SULF2: variants seen among roughly 807,000 people sequenced by gnomAD.
SULF2 encodes extracellular sulfatase Sulf-2.
A neutral mutation model predicts 107.7 loss-of-function variants in SULF2; 52 were observed. The observed-to-expected ratio is 0.48, with a 90% confidence interval of 0.39 to 0.61. The LOEUF is 0.61. Ranked by LOEUF, SULF2 falls within the 20% of genes least tolerant of loss-of-function variation. SULF2 has a pLI of 0.00. For synonymous variants in SULF2, 460 were observed against 464.3 expected (o/e 0.99, Z 0.12); for missense variants, 993 against 1,177.3 (o/e 0.84, Z 2.29).
At chr20:47,691,685 A>C (rs2088201857) in intron 4 of SULF2, among the ~76,000 whole-genome samples, 1 of 152,186 alleles carries the variant, frequency 6.6e-6, no homozygotes, top group Non-Finnish European at 1.5e-5. Flanking sequence ...AAAGAGGATA[A>C]AATGTCAGAG....
intron 14 of SULF2, 109 bp from the exon 15 acceptor site, chr20:47,664,298 CT>C (rs767527728): frequency 7.9e-5 from 87 of 1,099,326 alleles, no homozygotes; most frequent in South Asian, 7.1e-4. Flanking sequence ...TGCCCCACCC[CT>C]GTCCCTCCTT....
intron 20 of SULF2, among the ~76,000 whole-genome samples, chr20:47,658,699 T>C (rs2086971960): frequency 6.6e-6 from 1 of 152,210 alleles, no homozygotes; most frequent in Admixed American, 6.5e-5. Context: ...CTGTTACTAA[T>C]GTCCTATTAA....
intron 5 of SULF2, 141 bp from the exon 6 acceptor site, chr20:47,684,722 G>A: frequency 2.7e-6 from 2 of 748,408 alleles, no homozygotes. Flanking sequence ...TGGTGGGAAA[G>A]GGGACATTGG....
chr20:47,754,126 GAACCCCCC>G (rs1332737973), intron 2 of SULF2, among the ~76,000 whole-genome samples: 6 of 152,182 alleles, frequency 3.9e-5, no homozygotes, highest in African/African-American at 1.4e-4. Context: ...GTACAGCCCC[GAACCCCCC>G]AACCTTGCAA....
At chr20:47,703,902 C>T (rs767386210) in intron 3 of SULF2, among the ~76,000 whole-genome samples, 1 of 152,144 alleles carries the variant, frequency 6.6e-6, no homozygotes, top group Non-Finnish European at 1.5e-5. Context: ...AGAGATAAAC[C>T]AGATACAAAA....
rs1253732761 is a variant in SULF2 at position 47,664,187 on chromosome 20, T to C, written c.2000A>G (p.Tyr667Cys). The part of the protein sequence containing the change: ...PEECDCHKIS[Y>C]HTQHKGRLKH... ...GAGGCGGCCTTTGTGCTGGGTGTGG[T>C]AGCTGTAACAGACCCCCCCAGCCCC... Residue 667 changes from tyrosine (Y) to cysteine (C), a missense_variant and splice_region_variant, in exon 15 of 21, where the codon TAC becomes TGC. Transcript: ENST00000688720. 3.7e-6 allele frequency: 6 copies of C among 1,611,962 alleles called. No homozygotes were observed. The highest frequency in any genetic ancestry group is 4.2e-6 in the Non-Finnish European group (5 of 1,179,294).
intron 18 of SULF2, among the ~76,000 whole-genome samples, chr20:47,661,147 C>A (rs560327872): frequency 6.6e-6 from 1 of 152,230 alleles, no homozygotes; most frequent in Admixed American, 6.5e-5. Flanking sequence ...GGCCCGATGC[C>A]CTCCCGCCAC....
At chr20:47,755,664 G>A (rs1338425567) in intron 2 of SULF2, among the ~76,000 whole-genome samples, 1 of 152,168 alleles carries the variant, frequency 6.6e-6, no homozygotes, top group Non-Finnish European at 1.5e-5. Flanking sequence ...GCCTCTGAAT[G>A]AGTGTCCTGT....
rs1374199882 is a variant in SULF2, at chr20:47,781,741, T to C, written c.-101+3602A>G. On this transcript the variant is annotated intron_variant, in intron 1 of 20. Transcript: ENST00000688720. ...AGACAGGTGCTATGATCATCATCAT[T>C]TGTTGGATGTGAACATCAAGGCACA... Among the ~76,000 whole-genome samples, 4 of 152,058 alleles carry C rather than the reference T, an allele frequency of 2.6e-5. No homozygotes were observed. In the East Asian group the frequency reaches 7.7e-4, roughly 29 times the overall value.
chr20:47,779,229 C>T (rs987834133), intron 1 of SULF2, among the ~76,000 whole-genome samples: 4 of 152,218 alleles, frequency 2.6e-5, no homozygotes, highest in Non-Finnish European at 4.4e-5. Context: ...CATCCCTGGC[C>T]TCTACCCTCT....
chr20:47,758,162 CTTTTTTTTT>C (rs373618271), intron 1 of SULF2, among the ~76,000 whole-genome samples: 19 of 122,448 alleles, frequency 1.6e-4, no homozygotes, highest in South Asian at 8.3e-4. Flanking sequence ...AAAAGTATTC[CTTTTTTTTT>C]TTTTTTTTTT....
At chr20:47,779,825 T>C (rs1568935893) in intron 1 of SULF2, among the ~76,000 whole-genome samples, 1 of 152,158 alleles carries the variant, frequency 6.6e-6, no homozygotes, top group African/African-American at 2.4e-5. Context: ...CAGGCTAGTC[T>C]TGAACTCCTG....
chr20:47,665,797 C>A (rs544260708), intron 13 of SULF2, 60 bp downstream of exon 13: 13 of 1,445,188 alleles, frequency 9.0e-6, no homozygotes, highest in African/African-American at 1.4e-5. Context: ...CACTGTGAAC[C>A]GGGGGTCCTG....
chr20:47,712,230 G>A (rs6018652), intron 3 of SULF2, among the ~76,000 whole-genome samples: 122,197 of 152,152 alleles, frequency 0.8, 49,166 homozygotes, highest in Middle Eastern at 0.89. Flanking sequence ...CCATCAGGCC[G>A]TCTCCCTTCA....
At chr20:47,765,531 C>A (rs529177928) in intron 1 of SULF2, among the ~76,000 whole-genome samples, 1 of 152,094 alleles carries the variant, frequency 6.6e-6, no homozygotes, top group South Asian at 2.1e-4. Context: ...ATATGTCCCA[C>A]GGGCTGGGGC....
chr20:47,771,084 G>C (rs1433555335), intron 1 of SULF2, among the ~76,000 whole-genome samples: 1 of 152,162 alleles, frequency 6.6e-6, no homozygotes, highest in Non-Finnish European at 1.5e-5. Flanking sequence ...ACAGAGGCTG[G>C]CCAGGCCTGG....
At chr20:47,664,863 G>C (rs1468070283) in intron 14 of SULF2, among the ~76,000 whole-genome samples, 2 of 152,246 alleles carry the variant, frequency 1.3e-5, no homozygotes, top group Non-Finnish European at 2.9e-5. Context: ...TGGGCCAGGG[G>C]ACCCCTAAGC....
intron 3 of SULF2, among the ~76,000 whole-genome samples, chr20:47,736,163 C>G (rs1213750760): frequency 6.6e-6 from 1 of 152,130 alleles, no homozygotes; most frequent in Non-Finnish European, 1.5e-5. Context: ...GATAAGCAAA[C>G]AGGAACTGGG....
rs565368158 is a variant in SULF2 at position 47,761,903 on chromosome 20, T to TG, written c.-100-4441dup. Among the ~76,000 whole-genome samples the TG allele has an allele frequency of 7.8e-3, 1,190 of 152,348 alleles. 13 individuals carry two copies. The highest frequency in any genetic ancestry group is 0.027 in the African/African-American group (1,119 of 41,582). ...GACCTGGTGGGAGATAATTGAATCA[T>TG]GGGGGTGGTTCCCCCATACTGTTCT... On this transcript the variant is annotated intron_variant, in intron 1 of 20. Transcript: ENST00000688720.
Sources: allele counts gnomAD v4.1 joint callset (sites outside exome capture counted in the v4.1 genomes callset), GRCh38; gene constraint gnomAD v4.1.1; transcripts MANE v1.5; gene names NCBI Gene and HGNC (gene_info 2026-07-23, HGNC 2026-07-21).